The following ZNF131 variants were observed in gnomAD, a reference collection of about 807,000 sequenced individuals.
ZNF131 encodes the protein zinc finger protein 131.
ZNF131 carries 7 observed loss-of-function variants against 60.0 expected under a neutral mutation model. That is an observed-to-expected ratio of 0.12 (90% CI 0.07 to 0.22). The LOEUF (loss-of-function observed/expected upper bound fraction) is 0.22, where lower values mean the gene tolerates loss of function less well. Ranked by LOEUF, ZNF131 falls within the 10% of genes least tolerant of loss-of-function variation. The pLI is 1.00. For synonymous variants in ZNF131, 257 were observed against 253.2 expected (o/e 1.01, Z -0.14); for missense variants, 493 against 740.9 (o/e 0.67, Z 3.88).
rs79246574 is a variant in ZNF131 at position 43,143,898 on chromosome 5, C to CTTTTT, written c.371+4623_371+4627dup. 3.1e-4 allele frequency among the ~76,000 whole-genome samples: 11 copies of CTTTTT among 34,994 alleles called. 4 individuals carry two copies. Among genetic ancestry groups the CTTTTT allele is most frequent in the African/African-American group, 8.2e-4 (7 of 8,544 alleles). 23.0% of individuals were successfully genotyped at this position (34,994 alleles called of 152,430 possible). A position where few individuals can be genotyped will look rare whatever the true frequency, so the allele number is the denominator to read the frequency against. ...TAGGTTCTCTGGAATATTGTCAGAG[C>CTTTTT]TTTTTTTTTTTTTTTTTTTTTTTTT... On this transcript the variant is annotated intron_variant, in intron 4 of 6. Coordinates refer to ENST00000682664, the MANE Select transcript of ZNF131 (RefSeq NM_001330707.2).
At chr5:43,172,983 A>T (rs6876746) in intron 5 of ZNF131, 124,164 of 173,346 alleles carry the variant, frequency 0.72, 44,953 homozygotes, top group East Asian at 0.84. Context: ...GCAGAAAGGA[A>T]AATGATGCAA....
intron 3 of ZNF131, among the ~76,000 whole-genome samples, chr5:43,131,979 C>G (rs1024986118): frequency 6.6e-6 from 1 of 151,324 alleles, no homozygotes; most frequent in Non-Finnish European, 1.5e-5. Context: ...GTCAGACCAT[C>G]TGGTTGTTAT....
chr5:43,175,435 T>C lies in ZNF131; in HGVS notation c.*302T>C. ...TATCTATTTTCATTGTGGTAAAAGT[T>C]CTTCCTTTTCTCTTTCCCAGGTCAT... On this transcript the variant is annotated 3_prime_UTR_variant, in exon 7 of 7. Coordinates refer to ENST00000682664, the MANE Select transcript of ZNF131 (RefSeq NM_001330707.2). 1 of 697,846 alleles carries C rather than the reference T, an allele frequency of 1.4e-6. No homozygotes were observed. The highest frequency in any genetic ancestry group is 1.5e-5 in the South Asian group (1 of 66,326). 43.2% of individuals were successfully genotyped at this position (697,846 alleles called of 1,614,324 possible). A position where few individuals can be genotyped will look rare whatever the true frequency, so the allele number is the denominator to read the frequency against.
At chr5:43,142,787 C>T (rs1747026384) in intron 4 of ZNF131, among the ~76,000 whole-genome samples, 1 of 151,780 alleles carries the variant, frequency 6.6e-6, no homozygotes, top group Non-Finnish European at 1.5e-5. Flanking sequence ...AACTTCCCGG[C>T]CTCAAGAGAT....
At chr5:43,149,744 A>G (rs912952513) in intron 4 of ZNF131, among the ~76,000 whole-genome samples, 1 of 152,046 alleles carries the variant, frequency 6.6e-6, no homozygotes, top group East Asian at 1.9e-4. Context: ...TGGTGGGTAT[A>G]TGGTGATTTA....
intron 3 of ZNF131, among the ~76,000 whole-genome samples, chr5:43,138,224 T>A (rs111785804): frequency 1.1e-3 from 161 of 152,348 alleles, no homozygotes; most frequent in African/African-American, 3.6e-3. Context: ...TGGGTAGATC[T>A]CATGTTCTTA....
chr5:43,122,773 C>T (rs1744037780), intron 2 of ZNF131, among the ~76,000 whole-genome samples: 1 of 152,180 alleles, frequency 6.6e-6, no homozygotes, highest in Non-Finnish European at 1.5e-5. Context: ...GATGGAGCTT[C>T]CAAATATTAG....
intron 3 of ZNF131, among the ~76,000 whole-genome samples, chr5:43,136,986 T>TGTTGGAAGAAC (rs1431723470): frequency 6.6e-6 from 1 of 152,134 alleles, no homozygotes; most frequent in African/African-American, 2.4e-5. Flanking sequence ...CAACAAATGA[T>TGTTGGAAGAAC]GTTGGAAGAA....
chr5:43,143,985 C>G (rs373206046), intron 4 of ZNF131, among the ~76,000 whole-genome samples: 1 of 124,870 alleles, frequency 8.0e-6, no homozygotes, highest in Admixed American at 1.0e-4. Flanking sequence ...TGCAGTGGTG[C>G]GATCTTGGCT....
In ZNF131 at chr5:43,176,151, G is replaced by A. The variant is rs1751548551; in HGVS notation, c.*1018G>A. 1 of 152,192 alleles carries A rather than the reference G, an allele frequency of 6.6e-6. No homozygotes were observed. Among genetic ancestry groups the A allele is most frequent in the South Asian group, 2.1e-4 (1 of 4,828 alleles). 9.4% of individuals were successfully genotyped at this position (152,192 alleles called of 1,614,324 possible). Reference sequence around the variant, plus strand: ...AAGATCTTGTGCTATAACTTTTAAAGCCATACAAATAAGAGTGCTAAACTG... The same window carrying A: ...AAGATCTTGTGCTATAACTTTTAAAACCATACAAATAAGAGTGCTAAACTG... On this transcript the variant is annotated 3_prime_UTR_variant, in exon 7 of 7. Coordinates refer to ENST00000682664, the MANE Select transcript of ZNF131 (RefSeq NM_001330707.2).
intron 4 of ZNF131, among the ~76,000 whole-genome samples, chr5:43,159,345 GT>G (rs1749349476): frequency 6.6e-6 from 1 of 152,090 alleles, no homozygotes; most frequent in Non-Finnish European, 1.5e-5. Context: ...CTCCCAACAG[GT>G]GTCGTCTTTT....
chr5:43,121,947 T>G, intron 1 of ZNF131, 92 bp from the exon 2 acceptor site: 1 of 1,352,386 alleles, frequency 7.4e-7, no homozygotes, highest in Non-Finnish European at 9.9e-7. Context: ...CTTTTCACGT[T>G]GCTGGTTTTT....
chr5:43,125,895 T>A (rs1418339981), intron 3 of ZNF131, among the ~76,000 whole-genome samples: 2 of 152,160 alleles, frequency 1.3e-5, no homozygotes, highest in Non-Finnish European at 2.9e-5. Flanking sequence ...CTAGTCACCT[T>A]GAGATTTAGG....
intron 4 of ZNF131, among the ~76,000 whole-genome samples, chr5:43,145,881 G>A (rs1747515642): frequency 6.6e-6 from 1 of 152,130 alleles, no homozygotes; most frequent in Non-Finnish European, 1.5e-5. Flanking sequence ...CAGACAAGTT[G>A]AGTTTGTCAT....
chr5:43,159,882 T>C (rs1749428102), intron 4 of ZNF131, among the ~76,000 whole-genome samples: 1 of 152,036 alleles, frequency 6.6e-6, no homozygotes, highest in South Asian at 2.1e-4. Flanking sequence ...AAGAAATCTT[T>C]CAGCTGGGCA....
chr5:43,174,059 C>G (rs1466424073), intron 6 of ZNF131, among the ~76,000 whole-genome samples: 1 of 152,132 alleles, frequency 6.6e-6, no homozygotes, highest in Non-Finnish European at 1.5e-5. Context: ...GAAACCCTGT[C>G]TCTACTAAAA....
chr5:43,135,062 A>C (rs1218701707), intron 3 of ZNF131, among the ~76,000 whole-genome samples: 1 of 143,836 alleles, frequency 7.0e-6, no homozygotes, highest in Non-Finnish European at 1.5e-5. Context: ...GCAATGGCGC[A>C]ATCTCGGCTC....
At chr5:43,127,757 C>A (rs1029553143) in intron 3 of ZNF131, among the ~76,000 whole-genome samples, 1 of 152,204 alleles carries the variant, frequency 6.6e-6, no homozygotes, top group Non-Finnish European at 1.5e-5. Flanking sequence ...TGGATCCCAG[C>A]TCAGCTTTGT....
At chr5:43,162,011 A>G (rs1202622609) in intron 5 of ZNF131, 80 bp downstream of exon 5, 14 of 1,350,226 alleles carry the variant, frequency 1.0e-5, no homozygotes, top group Non-Finnish European at 1.4e-5. Flanking sequence ...TTTTAAAAAA[A>G]TAGTGCCTCA....
Sources: allele counts gnomAD v4.1 joint callset (sites outside exome capture counted in the v4.1 genomes callset), GRCh38; gene constraint gnomAD v4.1.1; transcripts MANE v1.5; gene names NCBI Gene and HGNC (gene_info 2026-07-23, HGNC 2026-07-21).